The following CCDC91 variants were observed in gnomAD, a reference collection of about 807,000 sequenced individuals.
CCDC91 encodes coiled-coil domain containing 91, also known as coiled-coil domain-containing protein 91.
In CCDC91, 48 loss-of-function variants were observed where a neutral mutation model predicts 63.2. The observed-to-expected ratio is 0.76, with a 90% CI of 0.60 to 0.97. The LOEUF is 0.97. Ranked by LOEUF, CCDC91 falls within the 50% of genes least tolerant of loss-of-function variation. CCDC91 has a pLI of 0.00. For missense variants in CCDC91, 500 were observed against 494.6 expected (o/e 1.01, Z -0.10); for synonymous variants, 167 against 165.8 (o/e 1.01, Z -0.06).
rs183774997 is a variant in CCDC91 at position 28,232,740 on chromosome 12, G to C, written c.-14-24462G>C. On this transcript the variant is annotated intron_variant, in intron 1 of 12. Transcript: ENST00000536442. ...TATGACTGAACGGTCAGAAATGATG[G>C]TATGTCTTGTTCTGTTACCAACTAG... Among the ~76,000 whole-genome samples, 3 of 152,006 alleles carry C rather than the reference G, an allele frequency of 2.0e-5. 1 individual carries two copies. The South Asian group carries it at 6.2e-4, about 32-fold the overall frequency.
At chr12:28,254,218 A>G (rs995897249) in intron 1 of CCDC91, among the ~76,000 whole-genome samples, 2 of 152,214 alleles carry the variant, frequency 1.3e-5, no homozygotes, top group African/African-American at 4.8e-5. Flanking sequence ...TTAGACCTTG[A>G]TATTGTGAAA....
intron 11 of CCDC91, among the ~76,000 whole-genome samples, chr12:28,463,201 G>A (rs917095596): frequency 6.6e-6 from 1 of 152,174 alleles, no homozygotes; most frequent in Admixed American, 6.5e-5. Context: ...AGTACAATAT[G>A]TTGAGGCAGT....
Position 28,549,930 on chromosome 12 carries a change from A to G in CCDC91, c.*757A>G, listed in dbSNP as rs1336426363. 2.0e-5 allele frequency: 3 copies of G among 152,448 alleles called. No homozygotes were observed. The highest frequency in any genetic ancestry group is 1.9e-4 in the East Asian group (1 of 5,194). The allele number at this position is 152,448 out of a possible 1,614,324, so 9.4% of individuals were successfully genotyped here. On this transcript the variant is annotated 3_prime_UTR_variant, in exon 13 of 13. Transcript: ENST00000536442. ...AAGAGAATATAACTCAGCCATTTATAGGAATTTAGGTTCAAGTACAGGATA... is the reference window on the plus strand; with the variant it reads ...AAGAGAATATAACTCAGCCATTTATGGGAATTTAGGTTCAAGTACAGGATA...
chr12:28,545,259 C>T (rs1942906341), intron 12 of CCDC91, among the ~76,000 whole-genome samples: 1 of 151,984 alleles, frequency 6.6e-6, no homozygotes, highest in East Asian at 1.9e-4. Context: ...AAGTCCCATA[C>T]CTTAAGGAGC....
intron 3 of CCDC91, among the ~76,000 whole-genome samples, chr12:28,274,673 AT>A (rs1268836618): frequency 6.6e-6 from 1 of 152,044 alleles, no homozygotes; most frequent in Non-Finnish European, 1.5e-5. Context: ...AATGCTTGTG[AT>A]TTTTGTACAT....
At chr12:28,219,223 C>G (rs1943768220) in intron 1 of CCDC91, among the ~76,000 whole-genome samples, 1 of 151,932 alleles carries the variant, frequency 6.6e-6, no homozygotes, top group Non-Finnish European at 1.5e-5. Flanking sequence ...TTTTCATGTG[C>G]TTAATTGAGA....
chr12:28,417,373 C>T (rs1302241324), intron 8 of CCDC91, among the ~76,000 whole-genome samples: 2 of 151,910 alleles, frequency 1.3e-5, no homozygotes, highest in Non-Finnish European at 2.9e-5. Flanking sequence ...ATTCTGTTAC[C>T]CCAAAAGATT....
chr12:28,374,314 C>T (rs1306663994), intron 7 of CCDC91, among the ~76,000 whole-genome samples: 3 of 152,204 alleles, frequency 2.0e-5, no homozygotes, highest in East Asian at 1.9e-4. Context: ...GGTTTGTTTA[C>T]GTCATCTGGT....
chr12:28,389,758 TCC>T (rs917446058), intron 7 of CCDC91, among the ~76,000 whole-genome samples: 7 of 152,084 alleles, frequency 4.6e-5, no homozygotes, highest in Non-Finnish European at 8.8e-5. Flanking sequence ...ATACCCTAAG[TCC>T]CTAAATAGAA....
chr12:28,218,316 A>G (rs2135615928), intron 1 of CCDC91, among the ~76,000 whole-genome samples: 1 of 152,286 alleles, frequency 6.6e-6, no homozygotes, highest in Non-Finnish European at 1.5e-5. Context: ...CACTAGTGAC[A>G]AGCATAGAGG....
At chr12:28,314,947 GA>G (rs1939689000) in intron 6 of CCDC91, among the ~76,000 whole-genome samples, 1 of 151,782 alleles carries the variant, frequency 6.6e-6, no homozygotes, top group Non-Finnish European at 1.5e-5. Flanking sequence ...TTGAATGATT[GA>G]ATTATTCAAT....
intron 1 of CCDC91, among the ~76,000 whole-genome samples, chr12:28,220,503 A>G (rs1943865288): frequency 6.6e-6 from 1 of 151,778 alleles, no homozygotes; most frequent in Non-Finnish European, 1.5e-5. Context: ...AAATTTTTAG[A>G]TTTACCCACC....
chr12:28,370,673 CT>C (rs1300831471), intron 7 of CCDC91, among the ~76,000 whole-genome samples: 2 of 152,188 alleles, frequency 1.3e-5, no homozygotes, highest in Non-Finnish European at 2.9e-5. Context: ...AGTTTTCACA[CT>C]GTTGTAAAGA....
intron 8 of CCDC91, among the ~76,000 whole-genome samples, chr12:28,445,525 A>C (rs898807772): frequency 9.2e-5 from 14 of 152,274 alleles, no homozygotes; most frequent in African/African-American, 3.1e-4. Flanking sequence ...AACCCTAGAA[A>C]GCTGTGGGAA....
intron 12 of CCDC91, among the ~76,000 whole-genome samples, chr12:28,517,251 C>T (rs181633669): frequency 3.8e-4 from 58 of 151,988 alleles, no homozygotes; most frequent in African/African-American, 1.3e-3. Context: ...GTTGCAAGGC[C>T]TTAGTTATAG....
rs140534437 is a variant in CCDC91 at position 28,405,102 on chromosome 12, T to C, written c.762+13691T>C. On this transcript the variant is annotated intron_variant, in intron 8 of 12. Transcript: ENST00000536442. Reference sequence around the variant, plus strand: ...GTTTCTATTTTTGTCTTTCATACTTTTTCTACCTTTTCTGGTTCAAATTGA... The same window carrying C: ...GTTTCTATTTTTGTCTTTCATACTTCTTCTACCTTTTCTGGTTCAAATTGA... Among the ~76,000 whole-genome samples the C allele has an allele frequency of 3.9e-3, 589 of 152,230 alleles. 7 individuals are homozygous for C. Among genetic ancestry groups the C allele is most frequent in the African/African-American group, 0.013 (556 of 41,582 alleles).
At chr12:28,267,204 A>G (rs1351702412) in intron 3 of CCDC91, among the ~76,000 whole-genome samples, 7 of 151,822 alleles carry the variant, frequency 4.6e-5, no homozygotes, top group Non-Finnish European at 1.0e-4. Flanking sequence ...TAACCATCCC[A>G]ATATCTTCCA....
At chr12:28,467,939 A>C (rs544803526) in intron 11 of CCDC91, among the ~76,000 whole-genome samples, 1 of 152,150 alleles carries the variant, frequency 6.6e-6, no homozygotes, top group African/African-American at 2.4e-5. Flanking sequence ...TATGTGATAC[A>C]GCAAAAGCAG....
intron 7 of CCDC91, among the ~76,000 whole-genome samples, chr12:28,363,900 A>G (rs1328138377): frequency 1.3e-3 from 195 of 146,284 alleles, no homozygotes; most frequent in Non-Finnish European, 2.2e-3. Context: ...AAAAAAAAAG[A>G]AAAAAGAAAA....
Sources: gnomAD v4.1 joint callset for allele counts (sites outside exome capture counted in the v4.1 genomes callset) on GRCh38, gnomAD v4.1.1 for gene constraint, MANE v1.5 for transcripts, NCBI Gene and HGNC (gene_info 2026-07-23, HGNC 2026-07-21) for gene names.